MAGI1: variants seen among roughly 807,000 people sequenced by gnomAD.
The protein encoded by MAGI1 is membrane-associated guanylate kinase, WW and PDZ domain-containing protein 1.
Under a neutral mutation model 139.9 loss-of-function variants are expected in MAGI1, and 58 were observed. The ratio of observed to expected loss-of-function variants is 0.41; its 90% confidence interval spans 0.34 to 0.52. The LOEUF (loss-of-function observed/expected upper bound fraction) is 0.52. MAGI1 is among the 20% of genes least tolerant of loss of function. The pLI is 0.12. For missense variants in MAGI1, 1,874 were observed against 1,901.6 expected (o/e 0.99, Z 0.27); for synonymous variants, 812 against 737.9 (o/e 1.10, Z -1.63).
chr3:65,587,479 CT>C (rs755825684), intron 2 of MAGI1, among the ~76,000 whole-genome samples: 4,383 of 109,530 alleles, frequency 0.04, 28 homozygotes, highest in African/African-American at 0.083. Context: ...TTACTTTTTT[CT>C]TTTTTTTTTT....
intron 5 of MAGI1, among the ~76,000 whole-genome samples, chr3:65,464,287 A>C (rs1271276440): frequency 6.6e-6 from 1 of 151,946 alleles, no homozygotes; most frequent in Admixed American, 6.6e-5. Flanking sequence ...TTTTGAGCTT[A>C]AGTTATTCTT....
At chr3:65,837,182 A>C (rs887107110) in intron 1 of MAGI1, among the ~76,000 whole-genome samples, 11 of 152,196 alleles carry the variant, frequency 7.2e-5, no homozygotes, top group African/African-American at 2.4e-4. Flanking sequence ...CTCAGCTCCA[A>C]GAAGACACAG....
intron 1 of MAGI1, among the ~76,000 whole-genome samples, chr3:65,792,565 T>C: frequency 6.6e-6 from 1 of 152,166 alleles, no homozygotes; most frequent in East Asian, 1.9e-4. Flanking sequence ...GCTATATAGC[T>C]AGCTATAACA....
chr3:65,644,541 C>G (rs772881649), intron 1 of MAGI1, among the ~76,000 whole-genome samples: 1 of 151,544 alleles, frequency 6.6e-6, no homozygotes, highest in Non-Finnish European at 1.5e-5. Flanking sequence ...GCCTGAGTGA[C>G]AGAGTAAGCC....
chr3:65,873,052 C>G (rs2059992622), intron 1 of MAGI1: 1 of 152,126 alleles, frequency 6.6e-6, no homozygotes, highest in Non-Finnish European at 1.5e-5. Context: ...TTATGTATTC[C>G]AGACTTCAAT....
At chr3:65,625,805 T>C (rs1342347588) in intron 1 of MAGI1, among the ~76,000 whole-genome samples, 1 of 152,230 alleles carries the variant, frequency 6.6e-6, no homozygotes, top group African/African-American at 2.4e-5. Flanking sequence ...TAAGGAGATC[T>C]GGATGAAAGG....
rs140732148 is a variant in MAGI1, at chr3:65,672,478, A to G, written c.314-50390T>C. 5.7e-4 allele frequency among the ~76,000 whole-genome samples: 87 copies of G among 152,344 alleles called. No homozygotes were observed. In the East Asian group the frequency reaches 0.014, roughly 24 times the overall value. ...GATTATATCGGTTTAGGTCACACTTACTTTATATACCCATGTGTAAAAATA... is the reference window on the plus strand; with the variant it reads ...GATTATATCGGTTTAGGTCACACTTGCTTTATATACCCATGTGTAAAAATA... On this transcript the variant is annotated intron_variant, in intron 1 of 22. Transcript: ENST00000402939.
chr3:65,526,191 T>G (rs943609356), intron 2 of MAGI1, among the ~76,000 whole-genome samples: 2 of 152,172 alleles, frequency 1.3e-5, no homozygotes, highest in African/African-American at 4.8e-5. Context: ...TCACTTTTCT[T>G]TTTTTCCTGC....
intron 1 of MAGI1, among the ~76,000 whole-genome samples, chr3:65,861,843 C>A (rs1466011166): frequency 1.3e-5 from 2 of 152,158 alleles, no homozygotes; most frequent in African/African-American, 4.8e-5. Context: ...CACAGAGCAG[C>A]CAACAAAAAC....
chr3:65,805,436 CAA>C (rs1575563262), intron 1 of MAGI1, among the ~76,000 whole-genome samples: 1 of 152,254 alleles, frequency 6.6e-6, no homozygotes, highest in South Asian at 2.1e-4. Flanking sequence ...AGTCAAGAAA[CAA>C]GAGACGCTGG....
At chr3:65,710,122 C>T (rs895520312) in intron 1 of MAGI1, among the ~76,000 whole-genome samples, 6 of 151,922 alleles carry the variant, frequency 3.9e-5, no homozygotes, top group African/African-American at 1.5e-4. Context: ...TTTCACAAGC[C>T]TTTTTTTAAA....
At chr3:65,547,956 G>C (rs561115147) in intron 2 of MAGI1, among the ~76,000 whole-genome samples, 1 of 152,178 alleles carries the variant, frequency 6.6e-6, no homozygotes, top group Non-Finnish European at 1.5e-5. Context: ...ATGAAGAAAA[G>C]TTAAGAACAA....
chr3:65,632,183 C>G (rs919228251), intron 1 of MAGI1, among the ~76,000 whole-genome samples: 17 of 152,158 alleles, frequency 1.1e-4, no homozygotes, highest in Admixed American at 7.9e-4. Flanking sequence ...TAAATACTCA[C>G]AAAATGCATT....
intron 2 of MAGI1, among the ~76,000 whole-genome samples, chr3:65,509,543 C>T (rs548778945): frequency 2.6e-5 from 4 of 152,288 alleles, no homozygotes; most frequent in Admixed American, 1.3e-4. Context: ...AAAGGGGTGA[C>T]GGACGCACCT....
intron 1 of MAGI1, chr3:65,844,107 C>A: frequency 1.9e-6 from 1 of 513,444 alleles, no homozygotes; most frequent in Non-Finnish European, 3.9e-6. Flanking sequence ...TGTGTCTGGG[C>A]CAAACAGTGG....
chr3:65,745,497 T>C (rs886289405), intron 1 of MAGI1, among the ~76,000 whole-genome samples: 1 of 152,208 alleles, frequency 6.6e-6, no homozygotes, highest in Non-Finnish European at 1.5e-5. Flanking sequence ...CAAGCATATT[T>C]TGCATGAATT....
In MAGI1 at chr3:65,408,556, TTGA is replaced by T. The variant is rs1311551183; in HGVS notation, c.2168-7089_2168-7087del. Among the ~76,000 whole-genome samples the T allele has an allele frequency of 5.9e-5, 9 of 152,294 alleles. No homozygotes were observed. In the East Asian group the frequency reaches 1.7e-3, roughly 29 times the overall value. On this transcript the variant is annotated intron_variant, in intron 12 of 22. Coordinates refer to ENST00000402939, the MANE Select transcript of MAGI1 (RefSeq NM_001033057.2). ...CTGAGACTTCCCCAGCCAATCAGAA[TTGA>T]TGATTATTTGACTGCAATCCAGTGG...
intron 1 of MAGI1, among the ~76,000 whole-genome samples, chr3:66,022,508 T>C (rs893320830): frequency 6.6e-6 from 1 of 152,236 alleles, no homozygotes; most frequent in African/African-American, 2.4e-5. Flanking sequence ...ATGTGGCTCA[T>C]AGATTCAAAT....
intron 1 of MAGI1, among the ~76,000 whole-genome samples, chr3:65,999,640 T>C (rs1486148213): frequency 6.6e-6 from 1 of 152,168 alleles, no homozygotes; most frequent in African/African-American, 2.4e-5. Context: ...TTTCTACACA[T>C]GGTATTAATG....
Sources: allele counts gnomAD v4.1 joint callset (sites outside exome capture counted in the v4.1 genomes callset), GRCh38; gene constraint gnomAD v4.1.1; transcripts MANE v1.5; gene names NCBI Gene and HGNC (gene_info 2026-07-23, HGNC 2026-07-21).